The following TSSK1B variants were observed in gnomAD, a reference collection of about 807,000 sequenced individuals.
TSSK1B encodes the protein testis specific serine kinase 1B.
TSSK1B carries 2 observed loss-of-function variants against 4.0 expected under a neutral mutation model. The observed-to-expected ratio is 0.50, with a 90% CI of 0.20 to 1.57. TSSK1B has a LOEUF of 1.57. Among genes scored for constraint, TSSK1B ranks in the 40% most tolerant of loss-of-function variants. The pLI, the probability that TSSK1B is intolerant of heterozygous loss-of-function variation, is 0.22. For synonymous variants in TSSK1B, 198 were observed against 200.7 expected (o/e 0.99, Z 0.11); for missense variants, 488 against 495.1 (o/e 0.99, Z 0.14).
chr5:113,434,609 CT>C lies in TSSK1B; in HGVS notation c.230del (p.Glu77GlyfsTer25). On this transcript the variant is annotated frameshift_variant, in exon 1 of 1. Coordinates refer to ENST00000390666, the MANE Select transcript of TSSK1B (RefSeq NM_032028.4). LOFTEE classifies it low-confidence loss of function (END_TRUNC). This position sits in a 1 kb window ranked among gnomAD's most constrained non-coding sequence, Gnocchi z 4.2. ...CCTTGCCATGTGATGTCTCAAAGAT[CT>C]CGTAGGTCTTAATGATGGAGCAGTG... ...LNHCSIIKTY[E>X]IFETSHGKVY... The C allele has an allele frequency of 6.2e-7, 1 of 1,613,896 alleles. No individual in the cohort carries two copies. The highest frequency in any genetic ancestry group is 8.5e-7 in the Non-Finnish European group (1 of 1,179,878).
rs1422773329 is a variant in TSSK1B, at chr5:113,434,384, C to T, written c.456G>A (p.Leu152=). 1 of 1,613,946 alleles carries T rather than the reference C, an allele frequency of 6.2e-7. No individual in the cohort carries two copies. Among genetic ancestry groups the T allele is most frequent in the Admixed American group, 1.7e-5 (1 of 60,016 alleles). The change falls in exon 1 of 1, where the codon CTG becomes CTA. Residue 152 remains leucine (L), a synonymous_variant. Coordinates refer to ENST00000390666, the MANE Select transcript of TSSK1B (RefSeq NM_032028.4). This position sits in a 1 kb window ranked among gnomAD's most constrained non-coding sequence, Gnocchi z 4.2. ...AGCGCTTGGAGAAGCTGAAGTCGGA[C>T]AGCTTGATGTTGAAGTCCTTGTCAA... ...LLLDKDFNIK[L]SDFSFSKRCL...
Position 113,434,161 on chromosome 5 carries a change from T to C in TSSK1B, c.679A>G (p.Ile227Val), listed in dbSNP as rs1171184810. Residue 227 changes from isoleucine to valine, a missense_variant, in exon 1 of 1, where the codon ATC (isoleucine) becomes GTC (valine). Transcript: ENST00000390666. The surrounding 1 kb of genome is among the most constrained non-coding windows in gnomAD (Gnocchi z 4.2). ...DDSNIKKMLR[I>V]QKEHRVNFPR... ...AAGTTGACGCGGTGCTCCTTCTGGATACGCAGCATCTTCTTGATGTTGGAG... is the reference window on the plus strand; with the variant it reads ...AAGTTGACGCGGTGCTCCTTCTGGACACGCAGCATCTTCTTGATGTTGGAG... The C allele has an allele frequency of 1.9e-6, 3 of 1,614,080 alleles. No homozygotes were observed. The highest frequency in any genetic ancestry group is 2.7e-5 in the African/African-American group (2 of 74,940).
In TSSK1B at chr5:113,433,700, C is replaced by A. The variant is rs1456469096; in HGVS notation, c.*36G>T. The A allele has an allele frequency of 6.3e-7, 1 of 1,583,564 alleles. No homozygotes were observed. Among genetic ancestry groups the A allele is most frequent in the African/African-American group, 1.3e-5 (1 of 74,458 alleles). Reference sequence around the variant, plus strand: ...CTTCTTCAGAGCTTGGGCTTTAAGCCGTGAGCTCCATCTCATTCCCTGGGC... The same window carrying A: ...CTTCTTCAGAGCTTGGGCTTTAAGCAGTGAGCTCCATCTCATTCCCTGGGC... On this transcript the variant is annotated 3_prime_UTR_variant, in exon 1 of 1. Coordinates refer to ENST00000390666, the MANE Select transcript of TSSK1B (RefSeq NM_032028.4).
chr5:113,433,339 C>T lies in TSSK1B; in HGVS notation c.*397G>A, dbSNP rs1036848941. ...CCGGTCTGGCCTCCCAGCAGGGTCA[C>T]GCAACTGCCCCGGGGACGATGAAAG... On this transcript the variant is annotated 3_prime_UTR_variant, in exon 1 of 1. Coordinates refer to ENST00000390666, the MANE Select transcript of TSSK1B (RefSeq NM_032028.4). 1.4e-5 allele frequency: 5 copies of T among 363,892 alleles called. No homozygotes were observed. The highest frequency in any genetic ancestry group is 6.5e-5 in the African/African-American group (3 of 46,316). The allele number at this position is 363,892 out of a possible 1,614,324, so 22.5% of individuals were successfully genotyped here. A position where few individuals can be genotyped will look rare whatever the true frequency, so the allele number is the denominator to read the frequency against.
chr5:113,434,474 C>T lies in TSSK1B; in HGVS notation c.366G>A (p.Leu122=), dbSNP rs779440666. 1.2e-6 allele frequency: 2 copies of T among 1,613,508 alleles called. No individual in the cohort carries two copies. The highest frequency in any genetic ancestry group is 2.2e-5 in the South Asian group (2 of 91,014). ...EARKKFHQLS[L]AIKYCHDLDV... The stretch of plus-strand genomic sequence containing the variant: ...CCAGGTCGTGGCAGTACTTGATGGC[C>T]AAGGAAAGCTGGTGGAACTTCTTGC... The change falls in exon 1 of 1, where the codon TTG becomes TTA. Residue 122 remains leucine (L), a synonymous_variant. Coordinates refer to ENST00000390666, the MANE Select transcript of TSSK1B (RefSeq NM_032028.4). The surrounding 1 kb of genome is among the most constrained non-coding windows in gnomAD (Gnocchi z 4.2).
Position 113,433,406 on chromosome 5 carries a change from C to A in TSSK1B, c.*330G>T, listed in dbSNP as rs1333434650. On this transcript the variant is annotated 3_prime_UTR_variant, in exon 1 of 1. Transcript: ENST00000390666. ...CAAGGTGGACAGCGGTGCCTTCCTG[C>A]TGCTCTTCCTGCTCTTGCTGTCACT... The A allele has an allele frequency of 1.6e-5, 9 of 557,608 alleles. No individual in the cohort carries two copies. Among genetic ancestry groups the A allele is most frequent in the Non-Finnish European group, 3.1e-5 (9 of 294,754 alleles). 34.5% of individuals were successfully genotyped at this position (557,608 alleles called of 1,614,324 possible). A position where few individuals can be genotyped will look rare whatever the true frequency, so the allele number is the denominator to read the frequency against.
rs11953401 is a variant in TSSK1B, at chr5:113,433,520, G to A, written c.*216C>T. The A allele has an allele frequency of 0.071, 44,836 of 628,356 alleles. 2,964 individuals carry two copies. The highest frequency in any genetic ancestry group is 0.27 in the African/African-American group (14,717 of 54,378). 38.9% of individuals were successfully genotyped at this position (628,356 alleles called of 1,614,324 possible). The stretch of plus-strand genomic sequence containing the variant: ...GTCACGCTCTGGGGGAGTAGGAGTC[G>A]CACGACTGTCTCAGCCTTGGATTTG... On this transcript the variant is annotated 3_prime_UTR_variant, in exon 1 of 1. Coordinates refer to ENST00000390666, the MANE Select transcript of TSSK1B (RefSeq NM_032028.4).
rs760563548 is a variant in TSSK1B, at chr5:113,433,868, A to AGGCTGTGCCTGG, written c.960_971dup (p.Gln321_Pro324dup). 6.2e-7 allele frequency: 1 copy of AGGCTGTGCCTGG among 1,614,014 alleles called. No homozygotes were observed. Among genetic ancestry groups the AGGCTGTGCCTGG allele is most frequent in the Non-Finnish European group, 8.5e-7 (1 of 1,179,880 alleles). On this transcript the variant is annotated inframe_insertion, in exon 1 of 1. Transcript: ENST00000390666. The stretch of plus-strand genomic sequence containing the variant: ...TTGCTGTCCCCTCGGGTTTTGTCTC[A>AGGCTGTGCCTGG]GGCTGTGCCTGGGGCTGTGCCTCTC...
In TSSK1B at chr5:113,433,974, TC is replaced by T; in HGVS notation, c.865del (p.Glu289ArgfsTer113). ...CAAGGGTTCAGTTCCCCGGGAACTC[TC>T]CCCCTCCTTGTTGATGGCCACAGAG... The part of the protein sequence containing the change: ...SPSVAINKEG[E>X]SSRGTEPLWT... On this transcript the variant is annotated frameshift_variant, in exon 1 of 1. Coordinates refer to ENST00000390666, the MANE Select transcript of TSSK1B (RefSeq NM_032028.4). LOFTEE classifies it low-confidence loss of function (END_TRUNC). The T allele has an allele frequency of 1.2e-6, 2 of 1,613,932 alleles. No homozygotes were observed. The highest frequency in any genetic ancestry group is 3.3e-4 in the Middle Eastern group (2 of 6,062).
In TSSK1B at chr5:113,433,700, C is replaced by T. The variant is rs1456469096; in HGVS notation, c.*36G>A. ...CTTCTTCAGAGCTTGGGCTTTAAGC[C>T]GTGAGCTCCATCTCATTCCCTGGGC... On this transcript the variant is annotated 3_prime_UTR_variant, in exon 1 of 1. Coordinates refer to ENST00000390666, the MANE Select transcript of TSSK1B (RefSeq NM_032028.4). 3 of 1,583,564 alleles carry T rather than the reference C, an allele frequency of 1.9e-6. No individual in the cohort carries two copies. Among genetic ancestry groups the T allele is most frequent in the East Asian group, 2.2e-5 (1 of 44,662 alleles).
rs755285810 is a variant in TSSK1B at position 113,434,295 on chromosome 5, G to A, written c.545C>T (p.Ala182Val). ...AATGCCCTGCAGCACCTCTGGGGCC[G>A]CATACGCTGGTGACCCACAGAAGGT... ...SKTFCGSPAY[A>V]APEVLQGIPY... The change falls in exon 1 of 1, where the codon GCG (alanine) becomes GTG (valine). Residue 182 changes from alanine (A) to valine (V), a missense_variant. Transcript: ENST00000390666. This position sits in a 1 kb window ranked among gnomAD's most constrained non-coding sequence, Gnocchi z 4.2. 63 of 1,613,944 alleles carry A rather than the reference G, an allele frequency of 3.9e-5. No individual in the cohort carries two copies. The highest frequency in any genetic ancestry group is 1.6e-4 in the South Asian group (15 of 91,082).
rs995272879 is a variant in TSSK1B, at chr5:113,433,173, G to A, written c.*563C>T. On this transcript the variant is annotated 3_prime_UTR_variant, in exon 1 of 1. Transcript: ENST00000390666. ...ATGGATCTTGCCCAGAGCTGGAGTC[G>A]GAGCCCCCGAGGCTGCCGCCGAGAG... The A allele has an allele frequency of 2.9e-5, 5 of 174,030 alleles. No individual in the cohort carries two copies. The highest frequency in any genetic ancestry group is 1.3e-4 in the South Asian group (1 of 7,836). The allele number at this position is 174,030 out of a possible 1,614,324, so 10.8% of individuals were successfully genotyped here.
rs762777635 is a variant in TSSK1B, at chr5:113,434,444, G to A, written c.396C>T (p.Val132=). ...TGTCACACTTGAGGTCCCGGTGGAC[G>A]ACGTCCAGGTCGTGGCAGTACTTGA... ...LAIKYCHDLD[V]VHRDLKCDNL... is the part of the protein sequence containing the mutation. The change falls in exon 1 of 1, where the codon GTC becomes GTT. Residue 132 remains valine, a synonymous_variant. Transcript: ENST00000390666. The surrounding 1 kb of genome is among the most constrained non-coding windows in gnomAD (Gnocchi z 4.2). The A allele has an allele frequency of 1.3e-5, 21 of 1,613,892 alleles. No homozygotes were observed. Among genetic ancestry groups the A allele is most frequent in the South Asian group, 1.2e-4 (11 of 91,052 alleles).
chr5:113,433,350 C>A lies in TSSK1B; in HGVS notation c.*386G>T, dbSNP rs878912660. The A allele has an allele frequency of 2.7e-5, 11 of 404,272 alleles. No homozygotes were observed. The highest frequency in any genetic ancestry group is 2.4e-4 in the South Asian group (11 of 46,144). 25.0% of individuals were successfully genotyped at this position (404,272 alleles called of 1,614,324 possible). On this transcript the variant is annotated 3_prime_UTR_variant, in exon 1 of 1. Transcript: ENST00000390666. Reference sequence around the variant, plus strand: ...TCCCAGCAGGGTCACGCAACTGCCCCGGGGACGATGAAAGGAGGATAAATG... The same window carrying A: ...TCCCAGCAGGGTCACGCAACTGCCCAGGGGACGATGAAAGGAGGATAAATG...
rs1770742622 is a variant in TSSK1B at position 113,433,739 on chromosome 5, C to A, written c.1101G>T (p.Gln367His). Residue 367 changes from glutamine (Q) to histidine (H), a missense_variant, in exon 1 of 1, where the codon CAG (glutamine) becomes CAT (histidine). By Grantham distance (24) the Gln-to-His change is conservative. Coordinates refer to ENST00000390666, the MANE Select transcript of TSSK1B (RefSeq NM_032028.4). Reference protein sequence around the residue: ...PPQQPPETRAQ With the variant: ...PPQQPPETRAH Reference sequence around the variant, plus strand: ...CATTCCCTGGGCCGCAAGAAGCTCACTGGGCCCGCGTCTCTGGAGGCTGTT... The same window carrying A: ...CATTCCCTGGGCCGCAAGAAGCTCAATGGGCCCGCGTCTCTGGAGGCTGTT... The A allele has an allele frequency of 1.2e-6, 2 of 1,610,530 alleles. No homozygotes were observed. Among genetic ancestry groups the A allele is most frequent in the South Asian group, 2.2e-5 (2 of 90,384 alleles).
chr5:113,434,515 G>A lies in TSSK1B; in HGVS notation c.325C>T (p.His109Tyr). 6.2e-7 allele frequency: 1 copy of A among 1,612,896 alleles called. No homozygotes were observed. The highest frequency in any genetic ancestry group is 8.5e-7 in the Non-Finnish European group (1 of 1,179,012). ...AACTTCTTGCGAGCTTCGTCCTCAT[G>A]CAGGGCTCCCCGGGTTTTGATTAAC... ...LELIKTRGAL[H>Y]EDEARKKFHQ... The change falls in exon 1 of 1, where the codon CAT becomes TAT. Residue 109 changes from histidine to tyrosine, a missense_variant. Coordinates refer to ENST00000390666, the MANE Select transcript of TSSK1B (RefSeq NM_032028.4). This position sits in a 1 kb window ranked among gnomAD's most constrained non-coding sequence, Gnocchi z 4.2.
rs950996601 is a variant in TSSK1B, at chr5:113,432,913, C to T, written c.*823G>A. 6.6e-6 allele frequency: 1 copy of T among 152,122 alleles called. No homozygotes were observed. Among genetic ancestry groups the T allele is most frequent in the African/African-American group, 2.4e-5 (1 of 41,414 alleles). 9.4% of individuals were successfully genotyped at this position (152,122 alleles called of 1,614,324 possible). A position where few individuals can be genotyped will look rare whatever the true frequency, so the allele number is the denominator to read the frequency against. ...CCAAGTGCTCTTTTCCAAATATTAT[C>T]GCTGCAAGGTTTGAACAGGAGAAAG... On this transcript the variant is annotated 3_prime_UTR_variant, in exon 1 of 1. Coordinates refer to ENST00000390666, the MANE Select transcript of TSSK1B (RefSeq NM_032028.4).
At position 113,434,852 on chromosome 5, in the gene TSSK1B, G is replaced by T; in HGVS notation, c.-13C>A. ...CAGCGTCATCCATGGTGCCAGGAAT[G>T]CCCAGTGCCTCTGAGGCTGCCCTCT... On this transcript the variant is annotated 5_prime_UTR_variant, in exon 1 of 1. Transcript: ENST00000390666. This position sits in a 1 kb window ranked among gnomAD's most constrained non-coding sequence, Gnocchi z 4.2. 1 of 1,599,056 alleles carries T rather than the reference G, an allele frequency of 6.3e-7. No homozygotes were observed. The highest frequency in any genetic ancestry group is 8.5e-7 in the Non-Finnish European group (1 of 1,170,750).
chr5:113,434,592 T>C lies in TSSK1B; in HGVS notation c.248A>G (p.His83Arg). Residue 83 changes from histidine (H) to arginine (R), a missense_variant, in exon 1 of 1, where the codon CAT becomes CGT. Transcript: ENST00000390666. This position sits in a 1 kb window ranked among gnomAD's most constrained non-coding sequence, Gnocchi z 4.2. ...CTCCATGACGATGTAGACCTTGCCA[T>C]GTGATGTCTCAAAGATCTCGTAGGT... ...IKTYEIFETS[H>R]GKVYIVMELA... The C allele has an allele frequency of 6.2e-7, 1 of 1,613,868 alleles. No individual in the cohort carries two copies. Among genetic ancestry groups the C allele is most frequent in the Non-Finnish European group, 8.5e-7 (1 of 1,179,862 alleles).
Sources: allele counts gnomAD v4.1 joint callset, GRCh38; gene constraint gnomAD v4.1.1; non-coding constraint Gnocchi (gnomAD v3.1); transcripts MANE v1.5; gene names NCBI Gene and HGNC (gene_info 2026-07-23, HGNC 2026-07-21).